EPHX2: variants seen among roughly 807,000 people sequenced by gnomAD.
EPHX2 encodes the protein epoxide hydrolase 2.
EPHX2 carries 74 observed loss-of-function variants against 78.7 expected under a neutral mutation model. The ratio of observed to expected loss-of-function variants is 0.94; its 90% CI spans 0.78 to 1.14. The LOEUF (loss-of-function observed/expected upper bound fraction) is 1.14, where lower values mean the gene tolerates loss of function less well. Ranked by LOEUF, EPHX2 falls within the 50% of genes most tolerant of loss-of-function variation. EPHX2 has a pLI of 0.00. For synonymous variants in EPHX2, 251 were observed against 255.2 expected, an observed-to-expected ratio of 0.98 and a Z score of 0.16; for missense variants, 715 against 702.5, an observed-to-expected ratio of 1.02 and a Z score of -0.20.
Position 27,525,423 on chromosome 8 carries a change from AG to A in EPHX2, c.1121del (p.Ser374IlefsTer28). 3 of 1,614,100 alleles carry A rather than the reference AG, an allele frequency of 1.9e-6. No individual in the cohort carries two copies. Among genetic ancestry groups the A allele is most frequent in the Non-Finnish European group, 2.5e-6 (3 of 1,180,022 alleles). On this transcript the variant is annotated frameshift_variant, in exon 12 of 19. Coordinates refer to ENST00000521400, the MANE Select transcript of EPHX2 (RefSeq NM_001979.6). LOFTEE classifies it high-confidence loss of function. ...PANPNMSPLE[S>X]IKANPVFDYQ... ...AAATCCCAACATGTCCCCTTTGGAGAGTATCAAAGCCAACCCAGTATTTGAT... is the reference window on the plus strand; with the variant it reads ...AAATCCCAACATGTCCCCTTTGGAGATATCAAAGCCAACCCAGTATTTGAT...
intron 1 of EPHX2, among the ~76,000 whole-genome samples, chr8:27,495,765 C>A (rs1044042519): frequency 6.6e-6 from 1 of 152,208 alleles, no homozygotes; most frequent in African/African-American, 2.4e-5. Context: ...TTAGGTATGC[C>A]ACTGGTTGTG....
rs372525109 is a variant in EPHX2 at position 27,542,984 on chromosome 8, C to G, written c.1450-765C>G. On this transcript the variant is annotated intron_variant, in intron 16 of 18. Transcript: ENST00000521400. The stretch of plus-strand genomic sequence containing the variant: ...AGCTGGATCTTCCTCTCTCCTCCCC[C>G]ACCTCCTCCCATCCCATCCTCTCCC... 2.0e-5 allele frequency among the ~76,000 whole-genome samples: 3 copies of G among 150,544 alleles called. No individual in the cohort carries two copies. The East Asian group carries it at 5.9e-4, about 30-fold the overall frequency.
chr8:27,520,750 A>T, intron 9 of EPHX2, 133 bp from the exon 10 acceptor site: 1 of 1,010,324 alleles, frequency 9.9e-7, no homozygotes, highest in Non-Finnish European at 1.6e-6. Flanking sequence ...CTTCAAAAAC[A>T]GTCCCATTCT....
intron 5 of EPHX2, among the ~76,000 whole-genome samples, chr8:27,508,768 G>A (rs182565212): frequency 1.1e-4 from 16 of 151,902 alleles, no homozygotes; most frequent in African/African-American, 2.4e-4. Context: ...GTGTGTGTGC[G>A]CGCACGCACG....
chr8:27,522,817 C>T (rs768129400), intron 11 of EPHX2, among the ~76,000 whole-genome samples: 16 of 151,958 alleles, frequency 1.1e-4, no homozygotes, highest in African/African-American at 2.7e-4. Flanking sequence ...AAAAACTAGC[C>T]GGGCATGGTG....
chr8:27,504,627 G>A (rs1054096460), intron 3 of EPHX2, among the ~76,000 whole-genome samples: 2 of 152,160 alleles, frequency 1.3e-5, no homozygotes, highest in Non-Finnish European at 1.5e-5. Context: ...GGTAGGATTG[G>A]CCCTGTCCAC....
chr8:27,528,102 A>G (rs1194657616), intron 12 of EPHX2, among the ~76,000 whole-genome samples: 1 of 152,184 alleles, frequency 6.6e-6, no homozygotes, highest in Admixed American at 6.5e-5. Flanking sequence ...CCTGATTGCA[A>G]AAGTGACCTT....
chr8:27,504,225 C>G (rs1447475984), intron 3 of EPHX2, among the ~76,000 whole-genome samples: 1 of 151,462 alleles, frequency 6.6e-6, no homozygotes, highest in Non-Finnish European at 1.5e-5. Context: ...GTGTGAACAC[C>G]TGACTCTTGT....
At chr8:27,514,006 G>A (rs990892699) in intron 6 of EPHX2, among the ~76,000 whole-genome samples, 34 of 152,330 alleles carry the variant, frequency 2.2e-4, no homozygotes, top group African/African-American at 7.5e-4. Flanking sequence ...AAAATAGCTT[G>A]TTGGGAATTA....
At chr8:27,522,371 C>G in intron 10 of EPHX2, 52 bp from the exon 11 acceptor site, 2 of 1,590,766 alleles carry the variant, frequency 1.3e-6, no homozygotes, top group Non-Finnish European at 1.7e-6. Context: ...CCTCTCAGCA[C>G]CCCGTTCCAG....
Position 27,511,841 on chromosome 8 carries a change from C to T in EPHX2, c.666C>T (p.Leu222=), listed in dbSNP as rs749495530. ...ELEKVTGIQL[L]NTPAPLPTSC... ...TATACCTTTCCTGCTTACAGCTTCT[C>T]AATACCCCGGCCCCTCTGCCGACCT... The change falls in exon 6 of 19, where the codon CTC becomes CTT. Residue 222 remains leucine (L), a synonymous_variant. Coordinates refer to ENST00000521400, the MANE Select transcript of EPHX2 (RefSeq NM_001979.6). 1.2e-6 allele frequency: 2 copies of T among 1,614,166 alleles called. No individual in the cohort carries two copies. Among genetic ancestry groups the T allele is most frequent in the Non-Finnish European group, 1.7e-6 (2 of 1,180,014 alleles).
At chr8:27,517,511 A>G (rs545667524) in intron 8 of EPHX2, among the ~76,000 whole-genome samples, 2 of 152,384 alleles carry the variant, frequency 1.3e-5, no homozygotes, top group South Asian at 2.1e-4. Context: ...AGTCTATAGT[A>G]TGATACAAAC....
At chr8:27,493,005 C>T (rs1813437389) in intron 1 of EPHX2, 1 of 155,246 alleles carries the variant, frequency 6.4e-6, no homozygotes. Context: ...GGGGAACTCT[C>T]TAGGCCAGTC....
chr8:27,515,292 G>A (rs1000287698), intron 6 of EPHX2, among the ~76,000 whole-genome samples: 2 of 152,192 alleles, frequency 1.3e-5, no homozygotes, highest in Non-Finnish European at 2.9e-5. Context: ...CCCGTCTTCA[G>A]CTGAACTAAG....
At chr8:27,507,496 T>C (rs1814058831) in intron 5 of EPHX2, among the ~76,000 whole-genome samples, 2 of 152,210 alleles carry the variant, frequency 1.3e-5, no homozygotes, top group South Asian at 4.1e-4. Context: ...CCTCCAGTTC[T>C]GAGGCACCTT....
downstream of EPHX2, among the ~76,000 whole-genome samples, chr8:27,548,607 T>C (rs17057365): frequency 0.023 from 3,511 of 152,250 alleles, 135 homozygotes; most frequent in African/African-American, 0.08. Context: ...GCTGAATAAA[T>C]TGGAGAGTAT....
intron 16 of EPHX2, 65 bp downstream of exon 16, chr8:27,541,607 G>A: frequency 6.4e-7 from 1 of 1,564,132 alleles, no homozygotes; most frequent in South Asian, 1.1e-5. Context: ...CTTCCCATTG[G>A]CCTGAGCTGA....
chr8:27,543,649 T>C, intron 16 of EPHX2, 100 bp from the exon 17 acceptor site: 2 of 1,203,840 alleles, frequency 1.7e-6, no homozygotes, highest in Non-Finnish European at 2.4e-6. Context: ...AGATACAACG[T>C]CAGGACCACA....
At chr8:27,530,762 CTT>C (rs11343503) in intron 12 of EPHX2, among the ~76,000 whole-genome samples, 5,446 of 127,238 alleles carry the variant, frequency 0.043, 199 homozygotes, top group African/African-American at 0.16. Context: ...TAATTTTTTT[CTT>C]TTTTTTTTTT....
Sources: gnomAD v4.1 joint callset for allele counts (sites outside exome capture counted in the v4.1 genomes callset) on GRCh38, gnomAD v4.1.1 for gene constraint, MANE v1.5 for transcripts, NCBI Gene and HGNC (gene_info 2026-07-23, HGNC 2026-07-21) for gene names.